The following CAMK2A variants were observed in gnomAD, a reference collection of about 807,000 sequenced individuals.
The protein encoded by CAMK2A is calcium/calmodulin-dependent protein kinase type II subunit alpha.
In CAMK2A, 7 loss-of-function variants were observed where a neutral mutation model predicts 79.2. That is an observed-to-expected ratio of 0.09 (90% confidence interval 0.05 to 0.17). The LOEUF is 0.17. Ranked by LOEUF, CAMK2A falls within the 10% of genes least tolerant of loss-of-function variation. The pLI, the probability that CAMK2A is intolerant of heterozygous loss-of-function variation, is 1.00. For missense variants in CAMK2A, 214 were observed against 646.4 expected, an observed-to-expected ratio of 0.33 and a Z score of 7.25; for synonymous variants, 242 against 251.7, an observed-to-expected ratio of 0.96 and a Z score of 0.36.
intron 9 of CAMK2A, 123 bp downstream of exon 9, chr5:150,251,627 T>C (rs1023330391): frequency 3.1e-6 from 2 of 645,614 alleles, no homozygotes; most frequent in Non-Finnish European, 5.2e-6. Context: ...CACCTGGCCC[T>C]GGTCAGTCTT....
intron 3 of CAMK2A, among the ~76,000 whole-genome samples, chr5:150,257,872 C>T (rs908686191): frequency 3.3e-5 from 5 of 152,170 alleles, no homozygotes; most frequent in Non-Finnish European, 5.9e-5. Context: ...AGTTTAGCGC[C>T]CTCCCCTCTC....
At chr5:150,288,088 C>T (rs945624199) in intron 1 of CAMK2A, among the ~76,000 whole-genome samples, 43 of 151,992 alleles carry the variant, frequency 2.8e-4, no homozygotes, top group East Asian at 7.7e-4. Flanking sequence ...CCCTGTGAGC[C>T]CAGGCCTCAC....
chr5:150,240,219 G>T (rs1755277949), intron 13 of CAMK2A, among the ~76,000 whole-genome samples: 2 of 152,182 alleles, frequency 1.3e-5, no homozygotes, highest in Non-Finnish European at 1.5e-5. Context: ...ACAGTCACTT[G>T]GGAAACTCGT....
At chr5:150,274,058 C>A (rs774071184) in intron 1 of CAMK2A, among the ~76,000 whole-genome samples, 17 of 152,156 alleles carry the variant, frequency 1.1e-4, no homozygotes, top group Non-Finnish European at 2.2e-4. Context: ...TGCAAGAGTG[C>A]CTGTTTCCTT....
chr5:150,265,865 A>G (rs1756490534), intron 2 of CAMK2A, among the ~76,000 whole-genome samples: 1 of 150,456 alleles, frequency 6.6e-6, no homozygotes, highest in Non-Finnish European at 1.5e-5. Flanking sequence ...TTGCTTGAAG[A>G]TGGAGGTTGG....
At chr5:150,254,124 T>C (rs73281776) in intron 6 of CAMK2A, among the ~76,000 whole-genome samples, 5,399 of 152,210 alleles carry the variant, frequency 0.035, 311 homozygotes, top group African/African-American at 0.12. Context: ...CTCAGTCTCA[T>C]GTCACCCCAT....
At chr5:150,224,615 T>C in intron 17 of CAMK2A, among the ~76,000 whole-genome samples, 1 of 152,056 alleles carries the variant, frequency 6.6e-6, no homozygotes. Flanking sequence ...GACTTTGAAT[T>C]TGGGCTCTCA....
intron 16 of CAMK2A, among the ~76,000 whole-genome samples, chr5:150,229,400 A>G (rs1226731207): frequency 1.3e-5 from 2 of 152,174 alleles, no homozygotes; most frequent in Admixed American, 6.5e-5. Flanking sequence ...CCACTGAAGA[A>G]GCCCCAACCC....
intron 1 of CAMK2A, among the ~76,000 whole-genome samples, chr5:150,287,768 T>G (rs910864742): frequency 1.3e-5 from 2 of 151,930 alleles, no homozygotes; most frequent in African/African-American, 4.8e-5. Flanking sequence ...CCTGCACAAG[T>G]TTGTAGACAG....
chr5:150,244,761 C>T (rs1047925920), intron 13 of CAMK2A, among the ~76,000 whole-genome samples: 3 of 152,144 alleles, frequency 2.0e-5, no homozygotes, highest in Admixed American at 6.5e-5. Flanking sequence ...GGCAGGGGCC[C>T]GATCCAGCCC....
chr5:150,269,745 T>C (rs1756659549), intron 2 of CAMK2A, among the ~76,000 whole-genome samples: 1 of 152,144 alleles, frequency 6.6e-6, no homozygotes, highest in Admixed American at 6.5e-5. Context: ...ACCTGAAGTC[T>C]GGGAACAGGA....
intron 15 of CAMK2A, among the ~76,000 whole-genome samples, chr5:150,233,498 C>T (rs1754933084): frequency 6.6e-6 from 1 of 152,164 alleles, no homozygotes; most frequent in Non-Finnish European, 1.5e-5. Context: ...TGAGTGCCAC[C>T]GGGTCACACA....
intron 6 of CAMK2A, among the ~76,000 whole-genome samples, chr5:150,255,985 GT>G (rs1487563917): frequency 2.6e-5 from 4 of 152,220 alleles, no homozygotes; most frequent in African/African-American, 4.8e-5. Flanking sequence ...GAGCAAGGCT[GT>G]GCAGCTGGTG....
At chr5:150,232,229 C>T (rs1017654976) in intron 15 of CAMK2A, among the ~76,000 whole-genome samples, 4 of 152,232 alleles carry the variant, frequency 2.6e-5, no homozygotes, top group African/African-American at 4.8e-5. Flanking sequence ...TGTGCAACTG[C>T]GGGCCACAAG....
chr5:150,245,368 TCC>T, intron 12 of CAMK2A, 167 bp from the exon 13 acceptor site: 1 of 609,204 alleles, frequency 1.6e-6, no homozygotes, highest in Non-Finnish European at 2.9e-6. Flanking sequence ...CTCCTCCTCC[TCC>T]TCCTCCCTCC....
chr5:150,238,485 A>C, intron 15 of CAMK2A: 1 of 567,572 alleles, frequency 1.8e-6, no homozygotes, highest in Non-Finnish European at 3.2e-6. Context: ...AAAATAAGAA[A>C]ACCTATCTAC....
intron 7 of CAMK2A, among the ~76,000 whole-genome samples, chr5:150,253,242 C>T (rs968151860): frequency 1.3e-5 from 2 of 152,182 alleles, no homozygotes; most frequent in African/African-American, 4.8e-5. Context: ...GCCGTAGGGT[C>T]CCATGCCTGA....
intron 3 of CAMK2A, among the ~76,000 whole-genome samples, chr5:150,259,565 AATG>A (rs1384171958): frequency 1.3e-5 from 2 of 152,182 alleles, no homozygotes; most frequent in East Asian, 1.9e-4. Flanking sequence ...AACATTCTTT[AATG>A]ATGATATATA....
Position 150,238,406 on chromosome 5 carries a change from C to T in CAMK2A, c.1066+294G>A, listed in dbSNP as rs374769696. On this transcript the variant is annotated intron_variant, in intron 15 of 18. Coordinates refer to ENST00000671881, the MANE Select transcript of CAMK2A (RefSeq NM_015981.4). ...GGCAGAGGTTGCAGTGAGCCGAGAT[C>T]GTGCCACTGCACTCCAGCCTGGACG... 151 of 269,166 alleles carry T rather than the reference C, an allele frequency of 5.6e-4. 4 individuals are homozygous for T. The highest frequency in any genetic ancestry group is 4.0e-3 in the South Asian group (104 of 26,110). 16.7% of individuals were successfully genotyped at this position (269,166 alleles called of 1,614,324 possible).
Sources: allele counts gnomAD v4.1 joint callset (sites outside exome capture counted in the v4.1 genomes callset), GRCh38; gene constraint gnomAD v4.1.1; transcripts MANE v1.5; gene names NCBI Gene and HGNC (gene_info 2026-07-23, HGNC 2026-07-21).